Variants in HEMK2 observed in about 807,000 individuals in gnomAD.
The protein encoded by HEMK2 is HemK methyltransferase 2, ETF1 glutamine and histone H4 lysine.
the HEMK2 span, among the ~76,000 whole-genome samples, chr21:28,706,169 C>T: frequency 2.6e-5 from 4 of 152,168 alleles, no homozygotes; most frequent in Admixed American, 1.3e-4. Context: ...CTATATTTGA[C>T]GTAACTCTAA....
At chr21:28,634,321 C>T in the HEMK2 span, among the ~76,000 whole-genome samples, 1 of 152,158 alleles carries the variant, frequency 6.6e-6, no homozygotes, top group Non-Finnish European at 1.5e-5. Flanking sequence ...GGGATGCTCT[C>T]CTCCTTTGCT....
chr21:28,832,528 G>C, the HEMK2 span, among the ~76,000 whole-genome samples: 16 of 152,230 alleles, frequency 1.1e-4, no homozygotes, highest in Admixed American at 9.8e-4. Context: ...TTGAATTGAG[G>C]GTGGATTCTG....
chr21:28,864,808 A>AAGAC, the HEMK2 span, among the ~76,000 whole-genome samples: 745 of 103,190 alleles, frequency 7.2e-3, 8 homozygotes, highest in Non-Finnish European at 7.7e-3. Context: ...CTCTCTCTGA[A>AAGAC]AGACAGACAG....
At chr21:28,712,991 G>A in the HEMK2 span, among the ~76,000 whole-genome samples, 1 of 152,078 alleles carries the variant, frequency 6.6e-6, no homozygotes, top group African/African-American at 2.4e-5. Flanking sequence ...TAGGCAAAAG[G>A]TACACTAAGG....
chr21:28,751,234 GAAA>G, the HEMK2 span, among the ~76,000 whole-genome samples: 22,876 of 125,238 alleles, frequency 0.18, 2,172 homozygotes, highest in East Asian at 0.28. Flanking sequence ...CTGTCTCAAT[GAAA>G]AAAAAAAAAA....
At chr21:28,629,009 C>T in the HEMK2 span, among the ~76,000 whole-genome samples, 1 of 152,098 alleles carries the variant, frequency 6.6e-6, no homozygotes, top group African/African-American at 2.4e-5. Context: ...CTGCTCGCAC[C>T]CCCAACAGAC....
At chr21:28,787,018 T>C in the HEMK2 span, among the ~76,000 whole-genome samples, 10,230 of 152,120 alleles carry the variant, frequency 0.067, 387 homozygotes, top group Middle Eastern at 0.12. Context: ...CCTAGGCACA[T>C]AGACCAATGG....
the HEMK2 span, among the ~76,000 whole-genome samples, chr21:28,862,929 T>C: frequency 3.9e-5 from 6 of 152,326 alleles, no homozygotes; most frequent in East Asian, 7.7e-4. Flanking sequence ...TGAATTATGT[T>C]ACGTGTCATT....
the HEMK2 span, among the ~76,000 whole-genome samples, chr21:28,589,914 T>G: frequency 6.6e-6 from 1 of 152,014 alleles, no homozygotes; most frequent in South Asian, 2.1e-4. Context: ...TAACACACAG[T>G]TTTCTTTTAT....
At chr21:28,635,494 T>A in the HEMK2 span, among the ~76,000 whole-genome samples, 2 of 152,132 alleles carry the variant, frequency 1.3e-5, no homozygotes, top group African/African-American at 4.8e-5. Flanking sequence ...TTAATGTTAG[T>A]CATCATTACC....
chr21:28,850,446 G>A, the HEMK2 span, among the ~76,000 whole-genome samples: 2 of 151,900 alleles, frequency 1.3e-5, no homozygotes, highest in African/African-American at 2.4e-5. Context: ...GGATGGTCTC[G>A]ATCTCCTGAC....
At chr21:28,649,760 A>G in the HEMK2 span, among the ~76,000 whole-genome samples, 1 of 152,210 alleles carries the variant, frequency 6.6e-6, no homozygotes, top group Admixed American at 6.5e-5. Context: ...AGGCCAAGGG[A>G]ACAACAAATG....
chr21:28,659,778 TC>T, the HEMK2 span, among the ~76,000 whole-genome samples: 2 of 152,066 alleles, frequency 1.3e-5, no homozygotes, highest in African/African-American at 4.8e-5. Context: ...TTATTCATCT[TC>T]AGTATTGCCT....
At chr21:28,620,340 T>C in the HEMK2 span, among the ~76,000 whole-genome samples, 1 of 152,172 alleles carries the variant, frequency 6.6e-6, no homozygotes, top group African/African-American at 2.4e-5. Flanking sequence ...TAAGAAGGAA[T>C]GGTACTAGCT....
chr21:28,725,102 C>T, the HEMK2 span, among the ~76,000 whole-genome samples: 1 of 152,158 alleles, frequency 6.6e-6, no homozygotes, highest in Non-Finnish European at 1.5e-5. Context: ...CCCTAAATCT[C>T]TCTATGTACA....
chr21:28,581,099 C>T, the HEMK2 span, among the ~76,000 whole-genome samples: 7 of 152,148 alleles, frequency 4.6e-5, no homozygotes, highest in African/African-American at 1.7e-4. Flanking sequence ...AATGAAGGCC[C>T]TTTTGTCAAG....
At chr21:28,647,321 T>TAAAAAAAAAAAAAAAAAA in the HEMK2 span, among the ~76,000 whole-genome samples, 1 of 46,442 alleles carries the variant, frequency 2.2e-5, no homozygotes, top group Non-Finnish European at 3.8e-5. Flanking sequence ...CCATCTCTAC[T>TAAAAAAAAAAAAAAAAAA]AAAAAAAAAA....
At chr21:28,814,787 T>C in the HEMK2 span, among the ~76,000 whole-genome samples, 2 of 112,520 alleles carry the variant, frequency 1.8e-5, no homozygotes, top group East Asian at 3.7e-4. Context: ...TTGGTGGGAC[T>C]GTAAACTAGT....
chr21:28,841,645 G>A, the HEMK2 span, among the ~76,000 whole-genome samples: 28 of 149,272 alleles, frequency 1.9e-4, no homozygotes, highest in African/African-American at 6.9e-4. Context: ...AGAATTATAC[G>A]ATGGACTTTA....
Sources: allele counts gnomAD v4.1 joint callset (sites outside exome capture counted in the v4.1 genomes callset), GRCh38; gene constraint gnomAD v4.1.1; transcripts MANE v1.5; gene names NCBI Gene and HGNC (gene_info 2026-07-23, HGNC 2026-07-21).